RBPJ: variants seen among roughly 807,000 people sequenced by gnomAD.
RBPJ encodes recombination signal binding protein for immunoglobulin kappa J region, also known as recombining binding protein suppressor of hairless.
In RBPJ, 9 loss-of-function variants were observed where a neutral mutation model predicts 67.8. The observed-to-expected ratio is 0.13, with a 90% CI of 0.08 to 0.23. RBPJ has a LOEUF of 0.23. Ranked by LOEUF, RBPJ falls within the 10% of genes least tolerant of loss-of-function variation. The probability of loss-of-function intolerance (pLI) is 1.00; values close to 1 mark genes in which losing one functional copy is unlikely to be tolerated. For missense variants in RBPJ, 305 were observed against 595.6 expected (o/e 0.51, Z 5.08); for synonymous variants, 198 against 203.3 (o/e 0.97, Z 0.22).
At chr4:26,236,366 T>C (rs1304632349) in intron 1 of RBPJ, among the ~76,000 whole-genome samples, 1 of 152,200 alleles carries the variant, frequency 6.6e-6, no homozygotes, top group Non-Finnish European at 1.5e-5. Context: ...CTTAAAACAA[T>C]AGTCATCCCT....
At chr4:26,161,140 C>A (rs1716069173), upstream of RBPJ, among the ~76,000 whole-genome samples, 1 of 152,190 alleles carries the variant, frequency 6.6e-6, no homozygotes, top group Non-Finnish European at 1.5e-5. Context: ...CCTCAAGAGG[C>A]CTTATACACA....
intron 1 of RBPJ, among the ~76,000 whole-genome samples, chr4:26,233,327 A>G (rs1719350466): frequency 6.6e-6 from 1 of 152,232 alleles, no homozygotes; most frequent in South Asian, 2.1e-4. Context: ...GTGTCCACAT[A>G]CAAGCTCTTC....
At chr4:26,225,220 A>G (rs1418355232) in intron 1 of RBPJ, among the ~76,000 whole-genome samples, 1 of 152,266 alleles carries the variant, frequency 6.6e-6, no homozygotes, top group East Asian at 1.9e-4. Flanking sequence ...GTGGTAGGAA[A>G]GCAGAGTGGG....
chr4:26,293,675 A>T (rs1490387350), intron 1 of RBPJ, among the ~76,000 whole-genome samples: 1 of 139,804 alleles, frequency 7.2e-6, no homozygotes, highest in African/African-American at 2.6e-5. Flanking sequence ...CAGAGTTTTT[A>T]TATTAAAAGA....
chr4:26,129,964 C>T, the RBPJ span, among the ~76,000 whole-genome samples: 111 of 152,292 alleles, frequency 7.3e-4, no homozygotes, highest in African/African-American at 1.3e-3. Flanking sequence ...CAGGTCCAAG[C>T]GATTCTCCTG....
chr4:26,186,191 TTAAA>T (rs61373944), intron 1 of RBPJ, among the ~76,000 whole-genome samples: 2 of 135,422 alleles, frequency 1.5e-5, no homozygotes, highest in African/African-American at 2.8e-5. Context: ...CCCCTTTTTT[TTAAA>T]AAAAAAAAAA....
At chr4:26,278,090 A>T (rs1289153423) in intron 1 of RBPJ, among the ~76,000 whole-genome samples, 8 of 152,204 alleles carry the variant, frequency 5.3e-5, no homozygotes, top group Non-Finnish European at 1.0e-4. Context: ...CGTGGCATTG[A>T]CATTCTGATT....
intron 2 of RBPJ, among the ~76,000 whole-genome samples, chr4:26,394,999 A>T (rs1254553224): frequency 6.6e-6 from 1 of 152,148 alleles, no homozygotes; most frequent in East Asian, 1.9e-4. Flanking sequence ...CACTTTTTGC[A>T]AAGCCCATCT....
chr4:26,409,666 A>T (rs1268487819), intron 3 of RBPJ, among the ~76,000 whole-genome samples: 1 of 151,906 alleles, frequency 6.6e-6, no homozygotes, highest in East Asian at 1.9e-4. Flanking sequence ...CGCACAGCTA[A>T]TTTTTGTATT....
intron 1 of RBPJ, among the ~76,000 whole-genome samples, chr4:26,363,075 T>C (rs1456311194): frequency 6.6e-6 from 1 of 152,220 alleles, no homozygotes; most frequent in Non-Finnish European, 1.5e-5. Flanking sequence ...TTGGGCCATT[T>C]AGTACAGTTT....
chr4:26,374,597 T>C (rs1729517353), intron 1 of RBPJ, among the ~76,000 whole-genome samples: 1 of 151,820 alleles, frequency 6.6e-6, no homozygotes, highest in Non-Finnish European at 1.5e-5. Flanking sequence ...TGCCTCAGCC[T>C]CCCGAGTAGC....
intron 2 of RBPJ, among the ~76,000 whole-genome samples, chr4:26,404,658 A>G (rs1443822785): frequency 1.3e-5 from 2 of 152,230 alleles, no homozygotes; most frequent in Non-Finnish European, 1.5e-5. Flanking sequence ...AAATAAAATA[A>G]TGGAGTTAAA....
At chr4:26,396,390 G>A (rs1002531302) in intron 2 of RBPJ, among the ~76,000 whole-genome samples, 1 of 152,184 alleles carries the variant, frequency 6.6e-6, no homozygotes, top group African/African-American at 2.4e-5. Flanking sequence ...GAGACTATGC[G>A]GTCTGATCCC....
chr4:26,354,542 T>C (rs1727161342), intron 1 of RBPJ, among the ~76,000 whole-genome samples: 2 of 150,186 alleles, frequency 1.3e-5, no homozygotes, highest in South Asian at 4.3e-4. Context: ...CTCCACTTCC[T>C]GGGTTCAACC....
chr4:26,260,594 G>T (rs557064730), intron 1 of RBPJ, among the ~76,000 whole-genome samples: 4 of 152,272 alleles, frequency 2.6e-5, no homozygotes, highest in African/African-American at 9.6e-5. Context: ...GCCAGACAAC[G>T]GAAGATTTTG....
chr4:26,179,478 A>G (rs1226564910), intron 1 of RBPJ, among the ~76,000 whole-genome samples: 1 of 151,870 alleles, frequency 6.6e-6, no homozygotes, highest in Non-Finnish European at 1.5e-5. Context: ...GAATAAGTGA[A>G]CTGTCGCAAA....
chr4:26,314,817 G>A (rs1273738270), upstream of RBPJ, among the ~76,000 whole-genome samples: 2 of 152,000 alleles, frequency 1.3e-5, no homozygotes, highest in African/African-American at 4.8e-5. Context: ...AGTTTCCATA[G>A]ATGTTATATC....
At chr4:26,155,293 C>T in the RBPJ span, among the ~76,000 whole-genome samples, 1 of 152,210 alleles carries the variant, frequency 6.6e-6, no homozygotes, top group Non-Finnish European at 1.5e-5. Context: ...GCGCCATTTC[C>T]ATCTTCTTCT....
chr4:26,253,512 C>T (rs1454465059), intron 1 of RBPJ, among the ~76,000 whole-genome samples: 1 of 151,052 alleles, frequency 6.6e-6, no homozygotes, highest in East Asian at 1.9e-4. Context: ...GGGGTTTCAC[C>T]GTTGTAGCCG....
Sources: allele counts gnomAD v4.1 joint callset (sites outside exome capture counted in the v4.1 genomes callset), GRCh38; gene constraint gnomAD v4.1.1; transcripts MANE v1.5; gene names NCBI Gene and HGNC (gene_info 2026-07-23, HGNC 2026-07-21).